Variants in OPRM1 observed in about 807,000 individuals in gnomAD.
OPRM1 encodes opioid receptor mu 1.
Under a neutral mutation model 31.8 loss-of-function variants are expected in OPRM1, and 27 were observed. The observed-to-expected ratio is 0.85, with a 90% CI of 0.63 to 1.17. OPRM1 has a LOEUF of 1.17. Ranked by LOEUF, OPRM1 falls within the 50% of genes most tolerant of loss-of-function variation. The pLI is 0.00. For synonymous variants in OPRM1, 196 were observed against 189.9 expected (o/e 1.03, Z -0.26); for missense variants, 536 against 511.1 (o/e 1.05, Z -0.47).
chr6:154,160,180 G>T, intron 3 of OPRM1: 1 of 683,380 alleles, frequency 1.5e-6, no homozygotes, highest in Non-Finnish European at 2.5e-6. Context: ...TCTAATTCCA[G>T]CATTAAGCTT....
intron 3 of OPRM1, among the ~76,000 whole-genome samples, chr6:154,226,679 A>ATCACAG (rs565771671): frequency 7.5e-4 from 114 of 152,118 alleles, no homozygotes; most frequent in Non-Finnish European, 1.4e-3. Flanking sequence ...TAGTGTCCAA[A>ATCACAG]TCACAGTCAC....
intron 1 of OPRM1, among the ~76,000 whole-genome samples, chr6:154,049,586 A>G (rs1781808678): frequency 6.6e-6 from 1 of 152,226 alleles, no homozygotes; most frequent in Non-Finnish European, 1.5e-5. Context: ...TATATATAAA[A>G]TGTTCCTCAA....
intron 3 of OPRM1, among the ~76,000 whole-genome samples, chr6:154,212,163 G>T (rs1778014419): frequency 6.6e-6 from 1 of 152,148 alleles, no homozygotes. Flanking sequence ...GGCCATTACT[G>T]TAATGCTAAG....
At chr6:154,159,027 G>A (rs375566434) in intron 3 of OPRM1, 13 of 152,112 alleles carry the variant, frequency 8.5e-5, no homozygotes, top group African/African-American at 3.1e-4. Flanking sequence ...TCACAGCCAA[G>A]GACAAGAGCA....
rs965153439 is a variant in OPRM1, at chr6:154,108,121, C to T, written c.1165-10562C>T. The stretch of plus-strand genomic sequence containing the variant: ...TGAGCGGCCCTAGTGATCCGGCTTG[C>T]GGCACCATCGCCTACGGGCCAAGCT... On this transcript the variant is annotated intron_variant, in intron 3 of 3. Transcript: ENST00000330432. The T allele has an allele frequency of 1.4e-4, 81 of 590,970 alleles. No individual in the cohort carries two copies. In the Middle Eastern group the frequency reaches 1.7e-3, roughly 12 times the overall value. 36.6% of individuals were successfully genotyped at this position (590,970 alleles called of 1,614,324 possible).
intron 3 of OPRM1, among the ~76,000 whole-genome samples, chr6:154,208,082 T>C (rs1777647058): frequency 6.6e-6 from 1 of 151,820 alleles, no homozygotes; most frequent in African/African-American, 2.4e-5. Flanking sequence ...CAGAGCAGAT[T>C]GGGGGCTCCA....
chr6:154,112,775 C>T (rs950019125), intron 3 of OPRM1, among the ~76,000 whole-genome samples: 1 of 152,166 alleles, frequency 6.6e-6, no homozygotes, highest in Non-Finnish European at 1.5e-5. Flanking sequence ...GATTATGCCA[C>T]CCTATCAGCA....
rs1355289001 is a variant in OPRM1 at position 154,126,044 on chromosome 6, C to T, written c.*7323C>T. On this transcript the variant is annotated 3_prime_UTR_variant, in exon 4 of 4. Transcript: ENST00000330432. ...ATCTCGATCTCCTGACCTCGTGATC[C>T]GCCCGCCTCGGCCTCCCAAAGTGCT... 1.6e-5 allele frequency among the ~76,000 whole-genome samples: 2 copies of T among 127,628 alleles called. 1 individual carries two copies. Among genetic ancestry groups the T allele is most frequent in the Non-Finnish European group, 3.4e-5 (2 of 59,648 alleles). The allele number at this position is 127,628 out of a possible 152,430, so 83.7% of individuals were successfully genotyped here.
intron 3 of OPRM1, among the ~76,000 whole-genome samples, chr6:154,142,080 C>T (rs75739971): frequency 2.0e-5 from 3 of 149,718 alleles, no homozygotes; most frequent in Non-Finnish European, 4.5e-5. Context: ...TAGCCCAACT[C>T]TCACGCTCTG....
Position 154,121,711 on chromosome 6 carries a change from G to A in OPRM1, c.*2990G>A, listed in dbSNP as rs988634139. ...ATGCCCTTTACATCTCAGGATCCAG[G>A]CAAAAGTTGAAATTCAGAAACATAG... On this transcript the variant is annotated 3_prime_UTR_variant, in exon 4 of 4. Coordinates refer to ENST00000330432, the MANE Select transcript of OPRM1 (RefSeq NM_000914.5). Among the ~76,000 whole-genome samples, 4 of 152,048 alleles carry A rather than the reference G, an allele frequency of 2.6e-5. No individual in the cohort carries two copies. Among genetic ancestry groups the A allele is most frequent in the Non-Finnish European group, 5.9e-5 (4 of 68,024 alleles).
chr6:154,107,073 C>G (rs1164778473), intron 3 of OPRM1, among the ~76,000 whole-genome samples: 1 of 152,088 alleles, frequency 6.6e-6, no homozygotes, highest in African/African-American at 2.4e-5. Context: ...TATAAACATA[C>G]AACACATATA....
At position 154,127,757 on chromosome 6, in the gene OPRM1, G is replaced by A. The variant is rs978660729; in HGVS notation, c.*9036G>A. On this transcript the variant is annotated 3_prime_UTR_variant, in exon 4 of 4. Coordinates refer to ENST00000330432, the MANE Select transcript of OPRM1 (RefSeq NM_000914.5). ...TTCTTGTTCTCCTGCATCTCTGCAG[G>A]TGGCAAACCTGATTCCTAATGCCTG... Among the ~76,000 whole-genome samples, 2 of 152,218 alleles carry A rather than the reference G, an allele frequency of 1.3e-5. No individual in the cohort carries two copies. Among genetic ancestry groups the A allele is most frequent in the African/African-American group, 4.8e-5 (2 of 41,454 alleles).
intron 3 of OPRM1, among the ~76,000 whole-genome samples, chr6:154,245,379 G>A (rs989221113): frequency 6.6e-6 from 1 of 152,124 alleles, no homozygotes; most frequent in African/African-American, 2.4e-5. Flanking sequence ...TGGGGGCAGA[G>A]CAGCAGAGAG....
intron 3 of OPRM1, chr6:154,154,917 G>A (rs957697581): frequency 6.6e-6 from 1 of 152,238 alleles, no homozygotes. Flanking sequence ...TTCCCATCAT[G>A]CAAGCACATT....
Position 154,090,120 on chromosome 6 carries a change from C to G in OPRM1, c.585C>G (p.Ile195Met), listed in dbSNP as rs965928385. 2.5e-5 allele frequency: 41 copies of G among 1,613,954 alleles called. No individual in the cohort carries two copies. The highest frequency in any genetic ancestry group is 3.3e-5 in the Non-Finnish European group (39 of 1,179,988). ...AAATTATCAATGTCTGCAACTGGATCCTCTCTTCAGCCATTGGTCTTCCTG... is the reference window on the plus strand; with the variant it reads ...AAATTATCAATGTCTGCAACTGGATGCTCTCTTCAGCCATTGGTCTTCCTG... ...NAKIINVCNW[I>M]LSSAIGLPVM... Residue 195 changes from isoleucine (I) to methionine (M), a missense_variant, in exon 2 of 4, where the codon ATC (isoleucine) becomes ATG (methionine). Physicochemically the swap from Ile to Met is conservative, Grantham distance 10 (BLOSUM62 1). Transcript: ENST00000330432.
chr6:154,105,338 G>A (rs1795421730), intron 3 of OPRM1, among the ~76,000 whole-genome samples: 1 of 152,188 alleles, frequency 6.6e-6, no homozygotes, highest in Non-Finnish European at 1.5e-5. Flanking sequence ...GATCAGCAAT[G>A]TTCTAAGCAA....
At chr6:154,234,846 A>T (rs1779989155) in intron 3 of OPRM1, among the ~76,000 whole-genome samples, 1 of 152,232 alleles carries the variant, frequency 6.6e-6, no homozygotes, top group African/African-American at 2.4e-5. Context: ...ATGTAATTTT[A>T]AAAAATGATT....
At chr6:154,072,124 G>A (rs906526877) in intron 1 of OPRM1, among the ~76,000 whole-genome samples, 1 of 152,120 alleles carries the variant, frequency 6.6e-6, no homozygotes, top group East Asian at 1.9e-4. Flanking sequence ...GAGAATCAAC[G>A]TGGGAATGGT....
At chr6:154,240,606 A>G (rs746582152) in intron 3 of OPRM1, among the ~76,000 whole-genome samples, 3 of 152,180 alleles carry the variant, frequency 2.0e-5, no homozygotes, top group African/African-American at 4.8e-5. Context: ...TTCAAGTAAC[A>G]TTTTCTACAT....
Sources: gnomAD v4.1 joint callset for allele counts (sites outside exome capture counted in the v4.1 genomes callset) on GRCh38, gnomAD v4.1.1 for gene constraint, MANE v1.5 for transcripts, NCBI Gene and HGNC (gene_info 2026-07-23, HGNC 2026-07-21) for gene names.